ZCCHC7: variants seen among roughly 807,000 people sequenced by gnomAD.
ZCCHC7 encodes zinc finger CCHC domain-containing protein 7.
Under a neutral mutation model 52.0 loss-of-function variants are expected in ZCCHC7, and 35 were observed. That is an observed-to-expected ratio of 0.67 (90% CI 0.51 to 0.89). The LOEUF (loss-of-function observed/expected upper bound fraction) is 0.89. ZCCHC7 is among the 40% of genes least tolerant of loss of function. The pLI is 0.00. For missense variants in ZCCHC7, 574 were observed against 649.1 expected (o/e 0.88, Z 1.26); for synonymous variants, 217 against 221.5 (o/e 0.98, Z 0.18).
intron 2 of ZCCHC7, among the ~76,000 whole-genome samples, chr9:37,207,830 C>T (rs898774940): frequency 2.0e-5 from 3 of 152,018 alleles, no homozygotes; most frequent in African/African-American, 7.2e-5. Context: ...ATTTCTATTT[C>T]TCTGGTGTGA....
chr9:37,214,895 C>CTA (rs1824424242), intron 2 of ZCCHC7, among the ~76,000 whole-genome samples: 1 of 151,898 alleles, frequency 6.6e-6, no homozygotes, highest in East Asian at 1.9e-4. Flanking sequence ...ATATTGCAAC[C>CTA]TATACAGTTG....
intron 2 of ZCCHC7, among the ~76,000 whole-genome samples, chr9:37,270,985 G>A (rs1222053373): frequency 1.3e-5 from 2 of 152,068 alleles, no homozygotes; most frequent in Non-Finnish European, 2.9e-5. Context: ...TTGGTTACCC[G>A]AATGAGGGGG....
chr9:37,256,119 A>T (rs1402648827), intron 2 of ZCCHC7, among the ~76,000 whole-genome samples: 1 of 152,122 alleles, frequency 6.6e-6, no homozygotes, highest in Non-Finnish European at 1.5e-5. Flanking sequence ...TAGCTTCCAA[A>T]CAGCAGCCTT....
At chr9:37,129,136 G>C (rs1418519803) in intron 2 of ZCCHC7, among the ~76,000 whole-genome samples, 2 of 152,068 alleles carry the variant, frequency 1.3e-5, no homozygotes, top group Non-Finnish European at 2.9e-5. Flanking sequence ...TCTTTCCTTT[G>C]AAACAACTCC....
intron 2 of ZCCHC7, among the ~76,000 whole-genome samples, chr9:37,195,877 G>T (rs910853905): frequency 2.0e-5 from 3 of 152,088 alleles, no homozygotes; most frequent in Non-Finnish European, 4.4e-5. Flanking sequence ...GAGTCACCAC[G>T]ATTTAATGAC....
rs11999548 is a variant in ZCCHC7 at position 37,148,035 on chromosome 9, C to T, written c.610+21093C>T. On this transcript the variant is annotated intron_variant, in intron 2 of 8. Transcript: ENST00000336755. ...GTTGAGGAAGAAAAAAGAATCTATACTTGCATCTGTCAGTATTATTGTTGT... is the reference window on the plus strand; with the variant it reads ...GTTGAGGAAGAAAAAAGAATCTATATTTGCATCTGTCAGTATTATTGTTGT... Among the ~76,000 whole-genome samples, 1,060 of 152,138 alleles carry T rather than the reference C, an allele frequency of 7.0e-3. 19 individuals are homozygous for T. The highest frequency in any genetic ancestry group is 0.024 in the African/African-American group (981 of 41,526).
intron 2 of ZCCHC7, among the ~76,000 whole-genome samples, chr9:37,262,216 A>AT (rs35551852): frequency 0.021 from 3,069 of 147,154 alleles, 38 homozygotes; most frequent in Middle Eastern, 0.039. Flanking sequence ...GAAAAAGGTG[A>AT]TTTTTTTTTT....
chr9:37,282,767 A>G (rs1310708337), intron 2 of ZCCHC7, among the ~76,000 whole-genome samples: 1 of 151,462 alleles, frequency 6.6e-6, no homozygotes, highest in East Asian at 1.9e-4. Flanking sequence ...GCTACATGGA[A>G]GCATCAGTGA....
intron 6 of ZCCHC7, among the ~76,000 whole-genome samples, chr9:37,338,884 A>G (rs907885369): frequency 1.3e-5 from 2 of 152,112 alleles, no homozygotes; most frequent in Non-Finnish European, 2.9e-5. Context: ...GATTTTTTCT[A>G]CGTAGCATGT....
intron 2 of ZCCHC7, among the ~76,000 whole-genome samples, chr9:37,163,510 A>G (rs1821234434): frequency 1.3e-5 from 2 of 152,128 alleles, no homozygotes; most frequent in Admixed American, 6.5e-5. Context: ...TGCTAACCCT[A>G]CGAACAGTCT....
At chr9:37,246,385 C>T (rs1280667880) in intron 2 of ZCCHC7, among the ~76,000 whole-genome samples, 3 of 152,096 alleles carry the variant, frequency 2.0e-5, no homozygotes, top group Non-Finnish European at 2.9e-5. Flanking sequence ...CAGGAGTCCA[C>T]AAGGGTCTTC....
chr9:37,280,830 A>G (rs1483363792), intron 2 of ZCCHC7, among the ~76,000 whole-genome samples: 1 of 152,156 alleles, frequency 6.6e-6, no homozygotes, highest in Non-Finnish European at 1.5e-5. Context: ...ATGTAGAGGC[A>G]CAATCATGTC....
intron 2 of ZCCHC7, among the ~76,000 whole-genome samples, chr9:37,231,867 G>A (rs1825423932): frequency 6.6e-6 from 1 of 152,080 alleles, no homozygotes; most frequent in South Asian, 2.1e-4. Context: ...GAAGAAGGAA[G>A]TACTCTCAGT....
At chr9:37,282,802 A>T (rs993796848) in intron 2 of ZCCHC7, among the ~76,000 whole-genome samples, 1 of 147,952 alleles carries the variant, frequency 6.8e-6, no homozygotes, top group Admixed American at 6.8e-5. Context: ...ACTGCACTCC[A>T]GCCTGGCTCT....
At chr9:37,313,401 G>T (rs1829678489) in intron 5 of ZCCHC7, among the ~76,000 whole-genome samples, 1 of 152,176 alleles carries the variant, frequency 6.6e-6, no homozygotes, top group Non-Finnish European at 1.5e-5. Context: ...ATTGTTCAGG[G>T]AGTAAATCCC....
At chr9:37,166,769 C>T (rs1164361607) in intron 2 of ZCCHC7, among the ~76,000 whole-genome samples, 4 of 152,172 alleles carry the variant, frequency 2.6e-5, no homozygotes, top group East Asian at 1.9e-4. Context: ...GTTCAAAATA[C>T]GTTCTGATTT....
chr9:37,121,838 GT>G (rs1399456934), intron 1 of ZCCHC7, among the ~76,000 whole-genome samples: 3 of 152,068 alleles, frequency 2.0e-5, no homozygotes, highest in African/African-American at 7.2e-5. Flanking sequence ...ACTGTGCTCT[GT>G]TTGTCTTTTG....
At chr9:37,122,986 G>T (rs1157178955) in intron 1 of ZCCHC7, among the ~76,000 whole-genome samples, 1 of 152,252 alleles carries the variant, frequency 6.6e-6, no homozygotes, top group Non-Finnish European at 1.5e-5. Context: ...ACAGTTGGCT[G>T]AGAATCACAG....
chr9:37,226,296 A>C (rs1171956754), intron 2 of ZCCHC7, among the ~76,000 whole-genome samples: 1 of 152,166 alleles, frequency 6.6e-6, no homozygotes, highest in Non-Finnish European at 1.5e-5. Context: ...AATCTAAATA[A>C]ATGGAGAGTT....
Sources: gnomAD v4.1 joint callset for allele counts (sites outside exome capture counted in the v4.1 genomes callset) on GRCh38, gnomAD v4.1.1 for gene constraint, MANE v1.5 for transcripts, NCBI Gene and HGNC (gene_info 2026-07-23, HGNC 2026-07-21) for gene names.